The following DCTN6 variants were observed in gnomAD, a reference collection of about 807,000 sequenced individuals.
DCTN6 encodes the protein dynactin 6.
DCTN6 carries 15 observed loss-of-function variants against 25.8 expected under a neutral mutation model. The ratio of observed to expected loss-of-function variants is 0.58; its 90% CI spans 0.39 to 0.89. The LOEUF is 0.89. Among genes scored for constraint, DCTN6 ranks in the 40% least tolerant of loss-of-function variants. DCTN6 has a pLI of 0.00. For missense variants in DCTN6, 198 were observed against 237.6 expected, an observed-to-expected ratio of 0.83 and a Z score of 1.09; for synonymous variants, 64 against 78.3, an observed-to-expected ratio of 0.82 and a Z score of 0.96.
At chr8:30,175,422 C>G (rs111524771) in intron 3 of DCTN6, among the ~76,000 whole-genome samples, 9 of 152,226 alleles carry the variant, frequency 5.9e-5, no homozygotes, top group African/African-American at 2.2e-4. Context: ...CTTTGACGCT[C>G]GGTCTGGTGA....
In DCTN6 at chr8:30,164,278, C is replaced by T. The variant is rs1039715697; in HGVS notation, c.88+103C>T. On this transcript the variant is annotated intron_variant, in intron 2 of 6. Coordinates refer to ENST00000221114, the MANE Select transcript of DCTN6 (RefSeq NM_006571.4). ...TCTTCCATGTTTATTTCACTGATGT[C>T]CTAGTTTTATTGACAAAATAATGCA... 59 of 901,038 alleles carry T rather than the reference C, an allele frequency of 6.5e-5. No individual in the cohort carries two copies. In the African/African-American group the frequency reaches 9.0e-4, roughly 14 times the overall value. 55.8% of individuals were successfully genotyped at this position (901,038 alleles called of 1,614,324 possible). A position where few individuals can be genotyped will look rare whatever the true frequency, so the allele number is the denominator to read the frequency against.
intron 2 of DCTN6, among the ~76,000 whole-genome samples, chr8:30,167,354 T>G (rs938158886): frequency 2.6e-5 from 4 of 152,134 alleles, no homozygotes; most frequent in African/African-American, 9.7e-5. Context: ...TTAGTTTGTT[T>G]GTTTGTTTAG....
In DCTN6 at chr8:30,164,110, G is replaced by T; in HGVS notation, c.24-1G>T. On this transcript the variant is annotated splice_acceptor_variant, in intron 1 of 6. Coordinates refer to ENST00000221114, the MANE Select transcript of DCTN6 (RefSeq NM_006571.4). LOFTEE classifies it high-confidence loss of function. ...TAAATGTTACCTTTTTCTTGCTACA[G>T]TGTGAAGATTGCTCCTGGAGCAGTT... 1.2e-6 allele frequency: 2 copies of T among 1,613,176 alleles called. No individual in the cohort carries two copies. The highest frequency in any genetic ancestry group is 1.7e-6 in the Non-Finnish European group (2 of 1,179,172).
At chr8:30,178,525 T>C (rs891084397) in intron 4 of DCTN6, among the ~76,000 whole-genome samples, 1 of 148,018 alleles carries the variant, frequency 6.8e-6, no homozygotes, top group African/African-American at 2.5e-5. Flanking sequence ...CAAAACATAC[T>C]ATAGTAGAAA....
At position 30,166,553 on chromosome 8, in the gene DCTN6, TG is replaced by T. The variant is rs199876389; in HGVS notation, c.88+2386del. ...ATAAATATACACAGGCATTATGTGG[TG>T]GGGGGGGTATGTATTTCAGATTTGA... On this transcript the variant is annotated intron_variant, in intron 2 of 6. Transcript: ENST00000221114. 2.5e-3 allele frequency among the ~76,000 whole-genome samples: 372 copies of T among 151,450 alleles called. 1 individual carries two copies. Among genetic ancestry groups the T allele is most frequent in the African/African-American group, 8.1e-3 (336 of 41,338 alleles).
rs147111159 is a variant in DCTN6 at position 30,180,545 on chromosome 8, A to G, written c.389A>G (p.Asn130Ser). 47 of 1,613,992 alleles carry G rather than the reference A, an allele frequency of 2.9e-5. No individual in the cohort carries two copies. The highest frequency in any genetic ancestry group is 3.9e-5 in the Non-Finnish European group (46 of 1,180,016). ...TSGCIIGACCNLNTFEVIPEN... is the reference protein window; with the variant it reads ...TSGCIIGACCSLNTFEVIPEN... ...GGCTGCATCATTGGGGCTTGTTGCA[A>G]CCTAAATACATTTGAAGTCATCCCT... The change falls in exon 6 of 7, where the codon AAC (asparagine) becomes AGC (serine). Residue 130 changes from asparagine to serine, a missense_variant. By Grantham distance (46) the Asn-to-Ser change is conservative. Transcript: ENST00000221114.
chr8:30,177,276 T>C (rs1426376349), intron 4 of DCTN6, 62 bp downstream of exon 4: 1 of 1,352,832 alleles, frequency 7.4e-7, no homozygotes, highest in East Asian at 2.3e-5. Flanking sequence ...CTAAGTCTTC[T>C]CCTGTAGAAA....
At chr8:30,161,432 C>T (rs895196154) in intron 1 of DCTN6, among the ~76,000 whole-genome samples, 1 of 152,154 alleles carries the variant, frequency 6.6e-6, no homozygotes, top group Non-Finnish European at 1.5e-5. Flanking sequence ...AGTACTTCTT[C>T]ATACAAGTGT....
chr8:30,167,705 T>A (rs1803702243), intron 2 of DCTN6, among the ~76,000 whole-genome samples: 1 of 152,100 alleles, frequency 6.6e-6, no homozygotes, highest in Non-Finnish European at 1.5e-5. Context: ...CTTTCTTTCT[T>A]TCTTTCTTTT....
At chr8:30,156,512 T>G in intron 1 of DCTN6, 106 bp downstream of exon 1, 1 of 1,373,044 alleles carries the variant, frequency 7.3e-7, no homozygotes, top group South Asian at 1.2e-5. Flanking sequence ...TCCTGGGCAT[T>G]CGGGCCGAAG....
intron 1 of DCTN6, among the ~76,000 whole-genome samples, chr8:30,159,982 G>T (rs1228101033): frequency 6.6e-6 from 1 of 151,978 alleles, no homozygotes; most frequent in Non-Finnish European, 1.5e-5. Flanking sequence ...GGCTGGTTTT[G>T]GTTGTTTTTC....
intron 2 of DCTN6, among the ~76,000 whole-genome samples, chr8:30,171,189 T>G (rs1803758152): frequency 6.6e-6 from 1 of 152,132 alleles, no homozygotes; most frequent in Admixed American, 6.5e-5. Flanking sequence ...CTCTGGCTAC[T>G]TATCTAGCAG....
At chr8:30,163,746 A>G (rs1409646434) in intron 1 of DCTN6, among the ~76,000 whole-genome samples, 3 of 136,804 alleles carry the variant, frequency 2.2e-5, no homozygotes, top group South Asian at 4.5e-4. Context: ...CTTGTTGCCC[A>G]TGCTTGAGTG....
chr8:30,168,033 T>C (rs963104057), intron 2 of DCTN6, among the ~76,000 whole-genome samples: 3 of 152,196 alleles, frequency 2.0e-5, no homozygotes, highest in Non-Finnish European at 4.4e-5. Flanking sequence ...CGATTTAAAG[T>C]TTATCACAGC....
chr8:30,179,351 G>T, intron 4 of DCTN6, 57 bp from the exon 5 acceptor site: 3 of 1,444,724 alleles, frequency 2.1e-6, no homozygotes, highest in Non-Finnish European at 2.9e-6. Context: ...TACATACTGT[G>T]TTAGTGGGGA....
chr8:30,167,141 A>G (rs1803689396), intron 2 of DCTN6, among the ~76,000 whole-genome samples: 1 of 151,870 alleles, frequency 6.6e-6, no homozygotes, highest in South Asian at 2.1e-4. Context: ...GAGAAAAAAG[A>G]AAAATTAGCA....
chr8:30,163,210 T>G (rs976495846), intron 1 of DCTN6, among the ~76,000 whole-genome samples: 2 of 151,944 alleles, frequency 1.3e-5, no homozygotes, highest in African/African-American at 4.8e-5. Context: ...GGCAGGAGAG[T>G]TGCTTGAACC....
At chr8:30,179,261 C>T in intron 4 of DCTN6, 147 bp from the exon 5 acceptor site, 1 of 488,190 alleles carries the variant, frequency 2.0e-6, no homozygotes, top group Non-Finnish European at 3.7e-6. Flanking sequence ...CCACAGATTG[C>T]CCAGAGCAAA....
intron 1 of DCTN6, among the ~76,000 whole-genome samples, chr8:30,163,663 C>G (rs1167028556): frequency 6.6e-6 from 1 of 151,714 alleles, no homozygotes; most frequent in Non-Finnish European, 1.5e-5. Context: ...TGTATTAAAA[C>G]CTTACCCTCT....
Sources: gnomAD v4.1 joint callset for allele counts (sites outside exome capture counted in the v4.1 genomes callset) on GRCh38, gnomAD v4.1.1 for gene constraint, MANE v1.5 for transcripts, NCBI Gene and HGNC (gene_info 2026-07-23, HGNC 2026-07-21) for gene names.